Variants in MECOM observed in about 807,000 individuals in gnomAD.
MECOM encodes MDS1 and EVI1 complex locus.
In MECOM, 13 loss-of-function variants were observed where a neutral mutation model predicts 116.3. That is an observed-to-expected ratio of 0.11 (90% CI 0.07 to 0.18). The LOEUF is 0.18. Ranked by LOEUF, MECOM falls within the 10% of genes least tolerant of loss-of-function variation. The pLI, the probability that MECOM is intolerant of heterozygous loss-of-function variation, is 1.00. For missense variants in MECOM, 1,299 were observed against 1,509.0 expected, an observed-to-expected ratio of 0.86 and a Z score of 2.31; for synonymous variants, 528 against 535.2, an observed-to-expected ratio of 0.99 and a Z score of 0.19.
chr3:169,542,731 C>T (rs904774769), intron 1 of MECOM, among the ~76,000 whole-genome samples: 3 of 152,160 alleles, frequency 2.0e-5, no homozygotes, highest in Non-Finnish European at 2.9e-5. Flanking sequence ...ACTAAACAGC[C>T]ATGCCTTTAA....
chr3:169,408,351 A>C (rs1737023136), intron 1 of MECOM, among the ~76,000 whole-genome samples: 1 of 152,232 alleles, frequency 6.6e-6, no homozygotes, highest in African/African-American at 2.4e-5. Context: ...CATGATAGGC[A>C]GGATAATCAA....
intron 1 of MECOM, among the ~76,000 whole-genome samples, chr3:169,392,867 A>C (rs1734441399): frequency 6.6e-6 from 1 of 152,196 alleles, no homozygotes; most frequent in African/African-American, 2.4e-5. Context: ...TAAGCTCTTC[A>C]TAGTAACGTG....
chr3:169,295,722 TACTC>T (rs2149704346), intron 2 of MECOM, among the ~76,000 whole-genome samples: 1 of 152,198 alleles, frequency 6.6e-6, no homozygotes, highest in East Asian at 1.9e-4. Context: ...TCAACATAAA[TACTC>T]AGTTTCTGGG....
chr3:169,232,618 C>A (rs1191113910), intron 2 of MECOM, among the ~76,000 whole-genome samples: 1 of 150,258 alleles, frequency 6.7e-6, no homozygotes. Context: ...CCCCATTTTA[C>A]ATAGGAATCC....
intron 2 of MECOM, among the ~76,000 whole-genome samples, chr3:169,346,003 T>C (rs1355394981): frequency 6.6e-6 from 1 of 152,040 alleles, no homozygotes; most frequent in Non-Finnish European, 1.5e-5. Flanking sequence ...TTTTGAAACA[T>C]CTAATAGAAA....
chr3:169,343,227 CT>C (rs1724841687), intron 2 of MECOM, among the ~76,000 whole-genome samples: 1 of 152,064 alleles, frequency 6.6e-6, no homozygotes, highest in Admixed American at 6.6e-5. Flanking sequence ...TTTGTGAGTC[CT>C]TTTTCTCATC....
At chr3:169,382,283 T>A (rs1422432129) in intron 1 of MECOM, among the ~76,000 whole-genome samples, 1 of 151,822 alleles carries the variant, frequency 6.6e-6, no homozygotes, top group Admixed American at 6.6e-5. Flanking sequence ...GACAGAGAAA[T>A]GAGGGAGATC....
At chr3:169,230,511 A>T (rs1214019024) in intron 2 of MECOM, among the ~76,000 whole-genome samples, 1 of 152,170 alleles carries the variant, frequency 6.6e-6, no homozygotes, top group Non-Finnish European at 1.5e-5. Flanking sequence ...CGATTTTGTT[A>T]TTGATTTATT....
At chr3:169,218,977 C>T (rs76816354) in intron 2 of MECOM, among the ~76,000 whole-genome samples, 2,060 of 152,200 alleles carry the variant, frequency 0.014, 48 homozygotes, top group African/African-American at 0.047. Context: ...TGTGTGCTGT[C>T]TCCTGAGCTA....
At chr3:169,647,956 G>A (rs1362341285) in intron 1 of MECOM, among the ~76,000 whole-genome samples, 3 of 151,958 alleles carry the variant, frequency 2.0e-5, no homozygotes, top group East Asian at 1.9e-4. Context: ...CATGTTTACG[G>A]TACCCAAAAT....
At chr3:169,136,304 A>AT (rs1736343491) in intron 3 of MECOM, among the ~76,000 whole-genome samples, 1 of 151,498 alleles carries the variant, frequency 6.6e-6, no homozygotes, top group Non-Finnish European at 1.5e-5. Context: ...TTTTGGAGAA[A>AT]TTTTTAAATT....
chr3:169,216,907 AG>A (rs1277309556), intron 2 of MECOM, among the ~76,000 whole-genome samples: 7 of 111,656 alleles, frequency 6.3e-5, no homozygotes, highest in African/African-American at 2.2e-4. Flanking sequence ...ATTTACACGG[AG>A]TTACTTAAAA....
intron 2 of MECOM, among the ~76,000 whole-genome samples, chr3:169,254,639 AT>A (rs1756644446): frequency 6.6e-6 from 1 of 152,102 alleles, no homozygotes; most frequent in African/African-American, 2.4e-5. Flanking sequence ...AATATTTGAC[AT>A]TGTTTTCAAC....
chr3:169,550,219 T>A (rs1761208675), intron 1 of MECOM, among the ~76,000 whole-genome samples: 1 of 152,158 alleles, frequency 6.6e-6, no homozygotes, highest in Non-Finnish European at 1.5e-5. Context: ...AACGAGCAAA[T>A]GCAAAGTTAT....
chr3:169,165,386 C>A (rs1397857861), intron 2 of MECOM, among the ~76,000 whole-genome samples: 1 of 152,132 alleles, frequency 6.6e-6, no homozygotes, highest in Non-Finnish European at 1.5e-5. Flanking sequence ...GTCAAGCCAT[C>A]TATAGCATAC....
intron 2 of MECOM, among the ~76,000 whole-genome samples, chr3:169,315,943 A>C (rs1719668749): frequency 6.6e-6 from 1 of 152,242 alleles, no homozygotes; most frequent in Non-Finnish European, 1.5e-5. Flanking sequence ...TATGAGCCTA[A>C]ATATTTAACA....
intron 2 of MECOM, among the ~76,000 whole-genome samples, chr3:169,207,705 T>C (rs1024614300): frequency 6.6e-6 from 1 of 152,188 alleles, no homozygotes; most frequent in African/African-American, 2.4e-5. Flanking sequence ...TTTCCTGATA[T>C]TCTGTTTCAA....
At chr3:169,570,135 A>G (rs994581422) in intron 1 of MECOM, among the ~76,000 whole-genome samples, 2 of 152,196 alleles carry the variant, frequency 1.3e-5, no homozygotes, top group African/African-American at 2.4e-5. Context: ...TAGACACAAT[A>G]AAAAATTATA....
intron 2 of MECOM, among the ~76,000 whole-genome samples, chr3:169,318,599 A>G (rs1029222949): frequency 6.6e-6 from 1 of 152,210 alleles, no homozygotes; most frequent in Non-Finnish European, 1.5e-5. Flanking sequence ...AATGGCGATC[A>G]TTAAGAAGTC....
Sources: gnomAD v4.1 joint callset for allele counts (sites outside exome capture counted in the v4.1 genomes callset) on GRCh38, gnomAD v4.1.1 for gene constraint, MANE v1.5 for transcripts, NCBI Gene and HGNC (gene_info 2026-07-23, HGNC 2026-07-21) for gene names.